The following STRN3 variants were observed in gnomAD, a reference collection of about 807,000 sequenced individuals.
STRN3 encodes the protein striatin-3.
In STRN3, 29 loss-of-function variants were observed where a neutral mutation model predicts 95.6. The ratio of observed to expected loss-of-function variants is 0.30; its 90% CI spans 0.23 to 0.41. STRN3 has a LOEUF of 0.41. Among genes scored for constraint, STRN3 ranks in the 10% least tolerant of loss-of-function variants. The pLI is 1.00. For synonymous variants in STRN3, 331 were observed against 357.6 expected (o/e 0.93, Z 0.84); for missense variants, 890 against 972.1 (o/e 0.92, Z 1.12).
chr14:30,967,241 T>TGG lies in STRN3; in HGVS notation c.283-11001_283-11000dup, dbSNP rs541103492. Among the ~76,000 whole-genome samples the TGG allele has an allele frequency of 7.5e-3, 164 of 21,976 alleles. 2 individuals carry two copies. The East Asian group carries it at 0.12, about 16-fold the overall frequency. 14.4% of individuals were successfully genotyped at this position (21,976 alleles called of 152,430 possible). ...AGGGGAAAGAGAGGGTGGGGCAGGG[T>TGG]GGGGGGGAAGAGAGGCAGAGAGAGG... On this transcript the variant is annotated intron_variant, in intron 1 of 17. Transcript: ENST00000357479.
chr14:31,024,678 C>T (rs890769066), intron 1 of STRN3, among the ~76,000 whole-genome samples: 1 of 152,118 alleles, frequency 6.6e-6, no homozygotes, highest in African/African-American at 2.4e-5. Context: ...TGAGGACACC[C>T]TTTCTAGTTA....
rs540991938 is a variant in STRN3, at chr14:30,967,860, C to T, written c.283-11618G>A. ...GGAGATTGAAATCTTAATTACCATA[C>T]AAAGATCCGACCAGACCTAGGAGGA... On this transcript the variant is annotated intron_variant, in intron 1 of 17. Transcript: ENST00000357479. 2.5e-4 allele frequency among the ~76,000 whole-genome samples: 38 copies of T among 152,164 alleles called. 1 individual carries two copies. The highest frequency in any genetic ancestry group is 2.0e-3 in the Admixed American group (30 of 15,280).
chr14:30,951,664 T>G (rs1484674122), intron 3 of STRN3, among the ~76,000 whole-genome samples: 1 of 152,218 alleles, frequency 6.6e-6, no homozygotes, highest in African/African-American at 2.4e-5. Flanking sequence ...AATACCTTAA[T>G]ATGGGGTCTA....
chr14:30,968,396 A>T (rs1880645833), intron 1 of STRN3, among the ~76,000 whole-genome samples: 1 of 151,766 alleles, frequency 6.6e-6, no homozygotes, highest in Non-Finnish European at 1.5e-5. Context: ...AAAAAAAAAA[A>T]AAAAAACAGG....
At chr14:30,920,474 TC>T in intron 8 of STRN3, among the ~76,000 whole-genome samples, 1 of 152,248 alleles carries the variant, frequency 6.6e-6, no homozygotes, top group South Asian at 2.1e-4. Context: ...ACAAAATAGC[TC>T]CCTTTTGTAA....
In STRN3 at chr14:30,929,255, T is replaced by G; in HGVS notation, c.1045A>C (p.Ser349Arg). Residue 349 changes from serine (S) to arginine (R), a missense_variant, in exon 8 of 18, where the codon AGT (serine) becomes CGT (arginine). Physicochemically the swap from Ser to Arg is moderately radical, Grantham distance 110 (BLOSUM62 -1). Transcript: ENST00000357479. ...EVWDVDQGLI[S>R]KLKEQYKKER... ...TTCTTGTACTGTTCCTTCAGTTTACTTATTAGTCCCTGGTCTACATCCCAA... is the reference window on the plus strand; with the variant it reads ...TTCTTGTACTGTTCCTTCAGTTTACGTATTAGTCCCTGGTCTACATCCCAA... The G allele has an allele frequency of 6.2e-7, 1 of 1,613,730 alleles. No homozygotes were observed. Among genetic ancestry groups the G allele is most frequent in the Non-Finnish European group, 8.5e-7 (1 of 1,179,766 alleles).
At chr14:30,994,245 C>T (rs1050469784) in intron 1 of STRN3, among the ~76,000 whole-genome samples, 4 of 152,158 alleles carry the variant, frequency 2.6e-5, no homozygotes, top group Admixed American at 2.0e-4. Context: ...CCTGCCTCAG[C>T]CTCCCAAAGT....
intron 1 of STRN3, chr14:31,014,813 TAAAA>T (rs527397877): frequency 1.1e-5 from 4 of 368,860 alleles, no homozygotes; most frequent in South Asian, 3.9e-5. Context: ...AAAACCACTT[TAAAA>T]AAAAAAAAAA....
intron 1 of STRN3, among the ~76,000 whole-genome samples, chr14:30,969,402 A>G (rs575264313): frequency 6.6e-6 from 1 of 152,052 alleles, no homozygotes; most frequent in East Asian, 1.9e-4. Context: ...GCGCCACTGC[A>G]CTCCAGTCTG....
At chr14:30,943,163 T>TTA (rs1879174189) in intron 5 of STRN3, among the ~76,000 whole-genome samples, 1 of 152,250 alleles carries the variant, frequency 6.6e-6, no homozygotes, top group South Asian at 2.1e-4. Context: ...GATCCACATG[T>TTA]TATATCATTT....
At chr14:30,991,392 C>T (rs867738814) in intron 1 of STRN3, among the ~76,000 whole-genome samples, 3 of 152,152 alleles carry the variant, frequency 2.0e-5, no homozygotes, top group Non-Finnish European at 4.4e-5. Context: ...TCCCTACCCT[C>T]ACAGAGATTA....
intron 1 of STRN3, among the ~76,000 whole-genome samples, chr14:30,984,137 A>ACCC (rs1555324188): frequency 3.2e-4 from 18 of 56,184 alleles, no homozygotes; most frequent in South Asian, 4.3e-4. Flanking sequence ...GCCCCCCCCA[A>ACCC]CCCCCCCCCA....
rs1232105874 is a variant in STRN3, at chr14:30,936,594, A to C, written c.747T>G (p.Asn249Lys). The change falls in exon 6 of 18, where the codon AAT (asparagine) becomes AAG (lysine). Residue 249 changes from asparagine to lysine, a missense_variant. Physicochemically the swap from Asn to Lys is moderately conservative, Grantham distance 94 (BLOSUM62 0). Coordinates refer to ENST00000357479, the MANE Select transcript of STRN3 (RefSeq NM_001083893.2). ...RSSGDVLETF[N>K]FLENADDSDE... ...CACTGTCATCGGCATTTTCTAAGAAATTGAACGTCTCAAGAACATCACCAG... is the reference window on the plus strand; with the variant it reads ...CACTGTCATCGGCATTTTCTAAGAACTTGAACGTCTCAAGAACATCACCAG... The C allele has an allele frequency of 1.2e-6, 2 of 1,613,820 alleles. No individual in the cohort carries two copies. Among genetic ancestry groups the C allele is most frequent in the Non-Finnish European group, 1.7e-6 (2 of 1,179,850 alleles).
intron 5 of STRN3, among the ~76,000 whole-genome samples, chr14:30,941,570 G>A (rs1490993825): frequency 6.6e-6 from 1 of 152,158 alleles, no homozygotes; most frequent in Non-Finnish European, 1.5e-5. Context: ...TAGGGGAGGG[G>A]TGGTGTTAAA....
intron 1 of STRN3, among the ~76,000 whole-genome samples, chr14:31,022,420 T>C (rs1042572732): frequency 1.8e-4 from 27 of 151,704 alleles, no homozygotes; most frequent in African/African-American, 6.1e-4. Flanking sequence ...TTTGACTACA[T>C]TTTCTTGTAT....
intron 10 of STRN3, 89 bp downstream of exon 10, chr14:30,913,435 T>C: frequency 3.0e-6 from 4 of 1,318,424 alleles, no homozygotes; most frequent in East Asian, 2.5e-5. Flanking sequence ...TCCATGCACC[T>C]TGATATTAAT....
At chr14:30,946,506 T>C (rs1260551079) in intron 5 of STRN3, among the ~76,000 whole-genome samples, 1 of 152,146 alleles carries the variant, frequency 6.6e-6, no homozygotes, top group Admixed American at 6.5e-5. Flanking sequence ...AGCACACCAG[T>C]GCACTCCAGC....
chr14:30,914,576 T>C (rs1896688910), intron 9 of STRN3, among the ~76,000 whole-genome samples: 1 of 152,178 alleles, frequency 6.6e-6, no homozygotes, highest in Non-Finnish European at 1.5e-5. Flanking sequence ...TGGTCTTGAC[T>C]CCTGACCTCA....
chr14:30,984,135 C>CCT (rs1555324180), intron 1 of STRN3, among the ~76,000 whole-genome samples: 1 of 103,380 alleles, frequency 9.7e-6, no homozygotes, highest in African/African-American at 3.4e-5. Context: ...CCGCCCCCCC[C>CCT]AACCCCCCCC....
Sources: gnomAD v4.1 joint callset for allele counts (sites outside exome capture counted in the v4.1 genomes callset) on GRCh38, gnomAD v4.1.1 for gene constraint, MANE v1.5 for transcripts, NCBI Gene and HGNC (gene_info 2026-07-23, HGNC 2026-07-21) for gene names.